Variants in PAPPA observed in about 807,000 individuals in gnomAD.
The protein encoded by PAPPA is pappalysin-1.
PAPPA carries 60 observed loss-of-function variants against 164.0 expected under a neutral mutation model. The observed-to-expected ratio is 0.37, with a 90% CI of 0.30 to 0.45. The LOEUF is 0.45. Among genes scored for constraint, PAPPA ranks in the 20% least tolerant of loss-of-function variants. The pLI is 1.00. For missense variants in PAPPA, 1,782 were observed against 2,087.3 expected (o/e 0.85, Z 2.85); for synonymous variants, 875 against 814.1 (o/e 1.07, Z -1.27).
Position 116,363,889 on chromosome 9 carries a change from G to T in PAPPA, c.4495+1150G>T, listed in dbSNP as rs556284703. ...CAGAAGTTCTTCACTGTAACTTACA[G>T]TGGGAATCAGCACTCTTGTGTTTAG... On this transcript the variant is annotated intron_variant, in intron 18 of 21. Transcript: ENST00000328252. Among the ~76,000 whole-genome samples, 5 of 152,320 alleles carry T rather than the reference G, an allele frequency of 3.3e-5. No homozygotes were observed. In the South Asian group the frequency reaches 1.0e-3, roughly 32 times the overall value.
At chr9:116,243,469 G>C (rs963989071) in intron 7 of PAPPA, among the ~76,000 whole-genome samples, 1 of 152,090 alleles carries the variant, frequency 6.6e-6, no homozygotes, top group African/African-American at 2.4e-5. Flanking sequence ...TTCTTAGATG[G>C]AGAAGCTCAG....
At chr9:116,183,369 G>A (rs757953739) in intron 1 of PAPPA, among the ~76,000 whole-genome samples, 17 of 152,230 alleles carry the variant, frequency 1.1e-4, no homozygotes, top group South Asian at 2.1e-4. Flanking sequence ...ATTCTAGCAA[G>A]GGATCATTTT....
At position 116,207,400 on chromosome 9, in the gene PAPPA, G is replaced by A. The variant is rs571215241; in HGVS notation, c.1479-56G>A. On this transcript the variant is annotated intron_variant, in intron 2 of 21. Transcript: ENST00000328252. ...ATAGTAGCTCTAAATTATTTGGAGAGGGCCTGTTATCTTTTTGGGGGCATG... is the reference window on the plus strand; with the variant it reads ...ATAGTAGCTCTAAATTATTTGGAGAAGGCCTGTTATCTTTTTGGGGGCATG... 1.2e-3 allele frequency: 835 copies of A among 672,030 alleles called. 10 individuals are homozygous for A. Among genetic ancestry groups the A allele is most frequent in the South Asian group, 5.5e-3 (156 of 28,536 alleles). 41.6% of individuals were successfully genotyped at this position (672,030 alleles called of 1,614,324 possible).
intron 7 of PAPPA, among the ~76,000 whole-genome samples, chr9:116,245,797 A>T (rs1488683984): frequency 6.6e-6 from 1 of 152,198 alleles, no homozygotes; most frequent in Admixed American, 6.5e-5. Flanking sequence ...AGGCTGTTAA[A>T]CACGTAGGAC....
At chr9:116,386,711 C>T (rs1361392416) in intron 21 of PAPPA, among the ~76,000 whole-genome samples, 21 of 152,218 alleles carry the variant, frequency 1.4e-4, no homozygotes, top group Admixed American at 1.4e-3. Flanking sequence ...ATGACCCTCC[C>T]TGTTCTGGTT....
chr9:116,186,677 T>G (rs749755843), intron 1 of PAPPA, among the ~76,000 whole-genome samples: 74 of 152,184 alleles, frequency 4.9e-4, no homozygotes, highest in Non-Finnish European at 1.5e-4. Flanking sequence ...CATCTTCTGT[T>G]CGTTATCATC....
chr9:116,270,336 G>A (rs1331138), intron 8 of PAPPA, among the ~76,000 whole-genome samples: 94,723 of 152,156 alleles, frequency 0.62, 30,059 homozygotes, highest in East Asian at 0.88. Context: ...AATGTGTTCT[G>A]TGCTGTCCAT....
At chr9:116,349,466 A>C (rs939174605) in intron 15 of PAPPA, among the ~76,000 whole-genome samples, 6 of 152,210 alleles carry the variant, frequency 3.9e-5, no homozygotes, top group African/African-American at 1.2e-4. Flanking sequence ...TAGGATCTAG[A>C]AAGTGCCAAC....
intron 7 of PAPPA, among the ~76,000 whole-genome samples, chr9:116,265,646 G>A (rs954746544): frequency 4.6e-5 from 7 of 152,172 alleles, no homozygotes; most frequent in African/African-American, 1.7e-4. Flanking sequence ...AATTGATGCT[G>A]GTTATTACTG....
chr9:116,336,103 T>A (rs1846057876), intron 13 of PAPPA, among the ~76,000 whole-genome samples: 1 of 152,122 alleles, frequency 6.6e-6, no homozygotes, highest in Admixed American at 6.5e-5. Context: ...GGGAAGAACT[T>A]GCGCAGAGTT....
rs1350987443 is a variant in PAPPA, at chr9:116,235,382, T to C, written c.2477T>C (p.Ile826Thr). 6.2e-7 allele frequency: 1 copy of C among 1,613,956 alleles called. No homozygotes were observed. Among genetic ancestry groups the C allele is most frequent in the East Asian group, 2.2e-5 (1 of 44,834 alleles). The change falls in exon 7 of 22, where the codon ATC becomes ACC. Residue 826 changes from isoleucine (I) to threonine (T), a missense_variant. Ile to Thr is a moderately conservative substitution (Grantham distance 89). Around this residue, in one of 2 missense-constraint regions of PAPPA, gnomAD observed 1,324 missense variants for 1,656.9 expected, o/e 0.80. Transcript: ENST00000328252. Reference protein sequence around the residue: ...IKLLAVSGKNISLGPQNVFCD... With the variant: ...IKLLAVSGKNTSLGPQNVFCD... ...CTGTTGGCTGTCAGTGGGAAGAACA[T>C]CTCCCTGGGTCCTCAGAATGTCTTC...
At chr9:116,338,860 C>T (rs1191696601) in intron 13 of PAPPA, among the ~76,000 whole-genome samples, 3 of 152,174 alleles carry the variant, frequency 2.0e-5, no homozygotes, top group East Asian at 1.9e-4. Flanking sequence ...ACAACTTTTT[C>T]CTATTTTTCT....
At chr9:116,253,168 CA>C (rs34350487) in intron 7 of PAPPA, among the ~76,000 whole-genome samples, 3,069 of 146,868 alleles carry the variant, frequency 0.021, 104 homozygotes, top group African/African-American at 0.072. Flanking sequence ...ACCCAGCTAT[CA>C]AAAAAAAAAG....
chr9:116,314,795 C>T (rs1477240016), intron 10 of PAPPA, among the ~76,000 whole-genome samples: 1 of 152,180 alleles, frequency 6.6e-6, no homozygotes, highest in East Asian at 1.9e-4. Flanking sequence ...CAAGTGGCTC[C>T]TCTTCCATAT....
At chr9:116,387,240 G>GAAAT (rs1257871256) in intron 21 of PAPPA, among the ~76,000 whole-genome samples, 2 of 152,174 alleles carry the variant, frequency 1.3e-5, no homozygotes, top group African/African-American at 4.8e-5. Flanking sequence ...GAGGTTGAGG[G>GAAAT]AAATGGAATA....
chr9:116,382,529 G>T, intron 21 of PAPPA, 36 bp downstream of exon 21: 1 of 1,283,342 alleles, frequency 7.8e-7, no homozygotes, highest in South Asian at 1.2e-5. Flanking sequence ...GCTGCCTCCT[G>T]CCCACTTCTC....
chr9:116,300,722 T>G (rs2118887128), intron 9 of PAPPA, among the ~76,000 whole-genome samples: 1 of 152,312 alleles, frequency 6.6e-6, no homozygotes, highest in South Asian at 2.1e-4. Flanking sequence ...GAAATCTGTC[T>G]TGTTTCTCCT....
rs141714465 is a variant in PAPPA, at chr9:116,396,273, C to T, written c.4777-236C>T. On this transcript the variant is annotated intron_variant, in intron 21 of 21. Transcript: ENST00000328252. The stretch of plus-strand genomic sequence containing the variant: ...GTTTGGAAATCACTGAGTACATTGC[C>T]TTACCCCATAGCAAATGCCTGACCC... 5.3e-5 allele frequency among the ~76,000 whole-genome samples: 8 copies of T among 152,274 alleles called. No homozygotes were observed. In the South Asian group the frequency reaches 6.2e-4, roughly 12 times the overall value.
chr9:116,266,556 A>AT lies in PAPPA; in HGVS notation c.2861+572dup, dbSNP rs1466512635. Among the ~76,000 whole-genome samples, 3 of 152,240 alleles carry AT rather than the reference A, an allele frequency of 2.0e-5. No homozygotes were observed. In the East Asian group the frequency reaches 5.8e-4, roughly 29 times the overall value. ...GCTCTGGAGTGAATATTGAATGTGA[A>AT]TATGAGTACACTGAGGCAAATGAAG... On this transcript the variant is annotated intron_variant, in intron 8 of 21. Coordinates refer to ENST00000328252, the MANE Select transcript of PAPPA (RefSeq NM_002581.5).
Sources: gnomAD v4.1 joint callset for allele counts (sites outside exome capture counted in the v4.1 genomes callset) on GRCh38, gnomAD v4.1.1 for gene constraint, gnomAD v4.1.1 regional missense constraint, MANE v1.5 for transcripts, NCBI Gene and HGNC (gene_info 2026-07-23, HGNC 2026-07-21) for gene names.